Variants in ELP4 observed in about 807,000 individuals in gnomAD.
ELP4 encodes the protein elongator acetyltransferase complex subunit 4, also known as elongator complex protein 4.
ELP4 carries 51 observed loss-of-function variants against 48.9 expected under a neutral mutation model. The ratio of observed to expected loss-of-function variants is 1.04; its 90% CI spans 0.83 to 1.32. The LOEUF (loss-of-function observed/expected upper bound fraction) is 1.32, where lower values mean the gene tolerates loss of function less well. Among genes scored for constraint, ELP4 ranks in the 40% most tolerant of loss-of-function variants. The probability of loss-of-function intolerance (pLI) is 0.00; values close to 1 mark genes in which losing one functional copy is unlikely to be tolerated. For synonymous variants in ELP4, 210 were observed against 189.2 expected, an observed-to-expected ratio of 1.11 and a Z score of -0.90; for missense variants, 519 against 514.6, an observed-to-expected ratio of 1.01 and a Z score of -0.08.
intron 3 of ELP4, among the ~76,000 whole-genome samples, chr11:31,550,224 T>C (rs1174270755): frequency 6.6e-6 from 1 of 152,108 alleles, no homozygotes; most frequent in Non-Finnish European, 1.5e-5. Context: ...TATAATACTT[T>C]TATTTAAGTG....
intron 9 of ELP4, among the ~76,000 whole-genome samples, chr11:31,713,448 T>G (rs555651534): frequency 6.6e-6 from 1 of 152,288 alleles, no homozygotes; most frequent in South Asian, 2.1e-4. Flanking sequence ...CAAAGTATAA[T>G]GATTATACAA....
intron 3 of ELP4, among the ~76,000 whole-genome samples, chr11:31,594,026 CT>C (rs1292276508): frequency 2.6e-5 from 4 of 152,162 alleles, no homozygotes; most frequent in African/African-American, 9.7e-5. Flanking sequence ...CCTACATTAT[CT>C]TTATGATTCT....
intron 9 of ELP4, among the ~76,000 whole-genome samples, chr11:31,759,401 A>G (rs1947899674): frequency 6.6e-6 from 1 of 152,254 alleles, no homozygotes; most frequent in Non-Finnish European, 1.5e-5. Flanking sequence ...CTATGCTAAC[A>G]TTAGCCATAC....
intron 4 of ELP4, among the ~76,000 whole-genome samples, chr11:31,601,686 A>G: frequency 6.6e-6 from 1 of 152,130 alleles, no homozygotes; most frequent in East Asian, 1.9e-4. Context: ...CTTTCAGTCC[A>G]CTAATAAATT....
intron 9 of ELP4, among the ~76,000 whole-genome samples, chr11:31,743,189 A>G (rs1947497639): frequency 1.3e-5 from 2 of 152,242 alleles, no homozygotes; most frequent in South Asian, 2.1e-4. Flanking sequence ...TTCAACAAGA[A>G]GAGCTAACTA....
chr11:31,636,653 T>TGATTC (rs879461845), intron 7 of ELP4, among the ~76,000 whole-genome samples: 32 of 151,976 alleles, frequency 2.1e-4, no homozygotes, highest in Non-Finnish European at 4.0e-4. Flanking sequence ...ATTGTTATAA[T>TGATTC]AAGACTTTTG....
intron 3 of ELP4, among the ~76,000 whole-genome samples, chr11:31,552,303 G>A (rs562102086): frequency 1.3e-5 from 2 of 152,196 alleles, no homozygotes; most frequent in African/African-American, 4.8e-5. Context: ...CTGCCCCAAG[G>A]ATGTCAGTAG....
At chr11:31,663,551 A>G (rs1203066141) in intron 9 of ELP4, 1 of 152,036 alleles carries the variant, frequency 6.6e-6, no homozygotes, top group Non-Finnish European at 1.5e-5. Context: ...GCGTAAGGAT[A>G]TATTGATTTT....
At chr11:31,701,898 T>G (rs758870716) in intron 9 of ELP4, among the ~76,000 whole-genome samples, 40 of 152,024 alleles carry the variant, frequency 2.6e-4, no homozygotes, top group Non-Finnish European at 5.3e-4. Context: ...CCTTTATTTC[T>G]CAGCATACAT....
intron 9 of ELP4, among the ~76,000 whole-genome samples, chr11:31,655,343 T>G (rs1945409752): frequency 6.6e-6 from 1 of 151,020 alleles, no homozygotes; most frequent in Non-Finnish European, 1.5e-5. Context: ...TAATCCTATT[T>G]CTTCCCACTT....
intron 2 of ELP4, among the ~76,000 whole-genome samples, chr11:31,525,733 G>T (rs766732630): frequency 3.3e-5 from 5 of 152,248 alleles, no homozygotes; most frequent in Non-Finnish European, 7.4e-5. Flanking sequence ...CAGAACAATA[G>T]TGTGTAAAGA....
intron 3 of ELP4, among the ~76,000 whole-genome samples, chr11:31,549,464 A>G (rs574669742): frequency 4.1e-4 from 63 of 152,022 alleles, no homozygotes; most frequent in Non-Finnish European, 6.5e-4. Context: ...TTAGAATGGC[A>G]ATCATTAAAA....
chr11:31,662,369 T>C (rs937459174), intron 9 of ELP4, among the ~76,000 whole-genome samples: 48 of 152,126 alleles, frequency 3.2e-4, no homozygotes, highest in African/African-American at 1.1e-3. Flanking sequence ...TAAAGGGCAA[T>C]ATTAAAGCAA....
intron 3 of ELP4, chr11:31,573,638 A>AAGG (rs1957220961): frequency 6.6e-6 from 1 of 152,132 alleles, no homozygotes; most frequent in South Asian, 2.1e-4. Flanking sequence ...ATTAATTAAT[A>AAGG]TAATTAATTA....
chr11:31,718,649 G>A lies in ELP4; in HGVS notation c.1144-64744G>A, dbSNP rs111249352. Among the ~76,000 whole-genome samples the A allele has an allele frequency of 2.0e-5, 3 of 152,166 alleles. 1 individual carries two copies. Among genetic ancestry groups the A allele is most frequent in the South Asian group, 4.1e-4 (2 of 4,828 alleles). On this transcript the variant is annotated intron_variant, in intron 9 of 9. Coordinates refer to ENST00000640961, the MANE Select transcript of ELP4 (RefSeq NM_019040.5). ...GGGACCTCAACTGGAGCTGTCTTCC[G>A]GAGCACCTGTGTGTAGCCTTTGCAT...
intron 9 of ELP4, among the ~76,000 whole-genome samples, chr11:31,776,615 G>A (rs561184827): frequency 3.9e-5 from 6 of 152,296 alleles, no homozygotes; most frequent in Admixed American, 1.3e-4. Flanking sequence ...TTCTTTCAGA[G>A]AGGTGAATTT....
At chr11:31,583,653 A>C (rs1357130005) in intron 3 of ELP4, among the ~76,000 whole-genome samples, 1 of 152,228 alleles carries the variant, frequency 6.6e-6, no homozygotes, top group Non-Finnish European at 1.5e-5. Context: ...TTTCATTTTA[A>C]ACAATTAAGT....
intron 9 of ELP4, among the ~76,000 whole-genome samples, chr11:31,674,492 GA>G (rs1945875904): frequency 6.6e-6 from 1 of 152,098 alleles, no homozygotes; most frequent in Admixed American, 6.5e-5. Flanking sequence ...TAGAAAATAA[GA>G]AAACATGTAT....
intron 3 of ELP4, among the ~76,000 whole-genome samples, chr11:31,573,817 C>T (rs1957224168): frequency 6.7e-6 from 1 of 150,014 alleles, no homozygotes; most frequent in African/African-American, 2.5e-5. Context: ...CAACTACCAT[C>T]TCATTAGGGG....
Sources: allele counts gnomAD v4.1 joint callset (sites outside exome capture counted in the v4.1 genomes callset), GRCh38; gene constraint gnomAD v4.1.1; transcripts MANE v1.5; gene names NCBI Gene and HGNC (gene_info 2026-07-23, HGNC 2026-07-21).